The following COL19A1 variants were observed in gnomAD, a reference collection of about 807,000 sequenced individuals.
COL19A1 encodes collagen alpha-1(XIX) chain.
In COL19A1, 159 loss-of-function variants were observed where a neutral mutation model predicts 190.2. That is an observed-to-expected ratio of 0.84 (90% confidence interval 0.73 to 0.95). The LOEUF is 0.95. Among genes scored for constraint, COL19A1 ranks in the 40% least tolerant of loss-of-function variants. The probability of loss-of-function intolerance (pLI) is 0.00; values close to 1 mark genes in which losing one functional copy is unlikely to be tolerated. For missense variants in COL19A1, 1,418 were observed against 1,431.9 expected (o/e 0.99, Z 0.16); for synonymous variants, 509 against 458.9 (o/e 1.11, Z -1.39).
In COL19A1 at chr6:70,075,742, T is replaced by C. The variant is rs140098477; in HGVS notation, c.1224+7266T>C. On this transcript the variant is annotated intron_variant, in intron 15 of 50. Coordinates refer to ENST00000620364, the MANE Select transcript of COL19A1 (RefSeq NM_001858.6). ...AGTGGTCTCTGCAGTGCACTTGAGA[T>C]AGAAGAGACAAAACGCCCTGGAAAG... Among the ~76,000 whole-genome samples, 176 of 151,274 alleles carry C rather than the reference T, an allele frequency of 1.2e-3. 2 individuals are homozygous for C. Among genetic ancestry groups the C allele is most frequent in the African/African-American group, 2.7e-3 (112 of 41,160 alleles).
intron 15 of COL19A1, among the ~76,000 whole-genome samples, chr6:70,072,337 T>C (rs910010672): frequency 6.6e-6 from 1 of 152,152 alleles, no homozygotes; most frequent in Non-Finnish European, 1.5e-5. Context: ...AAGGTTAGCG[T>C]GAAGCTACCC....
chr6:70,051,723 T>C (rs761817666), intron 14 of COL19A1, among the ~76,000 whole-genome samples: 6 of 150,718 alleles, frequency 4.0e-5, no homozygotes, highest in Admixed American at 6.6e-5. Context: ...GAAAGACCCA[T>C]TGTCTCTCAA....
rs540307910 is a variant in COL19A1 at position 70,123,432 on chromosome 6, A to G, written c.1341+1490A>G. The stretch of plus-strand genomic sequence containing the variant: ...TCAGGGATCTAGAACTAGAAATACC[A>G]TTTGATCCAGCCATCCCATTACTGG... On this transcript the variant is annotated intron_variant, in intron 17 of 50. Transcript: ENST00000620364. 2.9e-3 allele frequency among the ~76,000 whole-genome samples: 439 copies of G among 151,790 alleles called. 3 individuals are homozygous for G. Among genetic ancestry groups the G allele is most frequent in the Admixed American group, 4.6e-3 (70 of 15,224 alleles).
At position 70,144,959 on chromosome 6, in the gene COL19A1, T is replaced by C; in HGVS notation, c.1722T>C (p.Gly574=). 1 of 1,594,420 alleles carries C rather than the reference T, an allele frequency of 6.3e-7. No homozygotes were observed. The change falls in exon 25 of 51, where the codon GGT becomes GGC. Residue 574 remains glycine, a synonymous_variant. Coordinates refer to ENST00000620364, the MANE Select transcript of COL19A1 (RefSeq NM_001858.6). ...TCATAGGCCCTCCCGGGCTTCCAGG[T>C]CCAAAAGGTGAGGCTGGTCCTCCAG... ...GGIIGPPGLP[G]PKGEAGPPGK...
intron 11 of COL19A1, among the ~76,000 whole-genome samples, chr6:69,997,026 T>TATAGAGAGAGAG (rs576813975): frequency 6.1e-5 from 9 of 146,902 alleles, no homozygotes; most frequent in Middle Eastern, 3.2e-3. Flanking sequence ...TATATATATA[T>TATAGAGAGAGAG]AGAGAGAGAG....
At chr6:70,119,580 G>T (rs1784765156) in intron 16 of COL19A1, among the ~76,000 whole-genome samples, 1 of 152,168 alleles carries the variant, frequency 6.6e-6, no homozygotes, top group South Asian at 2.1e-4. Context: ...AGTTAAGATA[G>T]TAGAGTAGAC....
At chr6:69,883,083 G>A (rs965205009) in intron 2 of COL19A1, among the ~76,000 whole-genome samples, 5 of 152,226 alleles carry the variant, frequency 3.3e-5, no homozygotes, top group African/African-American at 9.6e-5. Flanking sequence ...TGAAGGCAGT[G>A]TGAGGGCAAG....
chr6:69,932,268 A>G (rs1474399659), intron 6 of COL19A1, among the ~76,000 whole-genome samples: 4 of 152,070 alleles, frequency 2.6e-5, no homozygotes, highest in African/African-American at 9.6e-5. Flanking sequence ...TATAAAATCA[A>G]TAGGTTTTAG....
At chr6:69,972,495 G>A (rs190748902) in intron 11 of COL19A1, among the ~76,000 whole-genome samples, 145 of 152,264 alleles carry the variant, frequency 9.5e-4, no homozygotes, top group Non-Finnish European at 1.6e-3. Context: ...AAGTATTATA[G>A]AGAAAGTTAA....
chr6:69,983,618 A>G (rs901178982), intron 11 of COL19A1, among the ~76,000 whole-genome samples: 1 of 152,130 alleles, frequency 6.6e-6, no homozygotes, highest in Non-Finnish European at 1.5e-5. Flanking sequence ...ACCCTTTCTT[A>G]GAATATGAAT....
chr6:69,906,196 T>A (rs933492892), intron 4 of COL19A1, among the ~76,000 whole-genome samples: 2 of 152,188 alleles, frequency 1.3e-5, no homozygotes, highest in Non-Finnish European at 2.9e-5. Flanking sequence ...AAATAAAATG[T>A]CTTAGTATTG....
chr6:69,951,449 T>C (rs182448025), intron 9 of COL19A1, among the ~76,000 whole-genome samples: 10 of 152,060 alleles, frequency 6.6e-5, no homozygotes, highest in South Asian at 2.1e-4. Flanking sequence ...TAGAACTTAT[T>C]TGAAGGAATG....
At chr6:70,183,784 C>T (rs1562252107) in intron 44 of COL19A1, among the ~76,000 whole-genome samples, 1 of 152,216 alleles carries the variant, frequency 6.6e-6, no homozygotes, top group Admixed American at 6.5e-5. Context: ...CCCACAGAAT[C>T]CATTCCAGCA....
chr6:70,166,164 G>C (rs1765137052), intron 37 of COL19A1, among the ~76,000 whole-genome samples, 179 bp downstream of exon 37: 1 of 152,178 alleles, frequency 6.6e-6, no homozygotes, highest in Admixed American at 6.5e-5. Flanking sequence ...TTTTGGTTCA[G>C]CCTCAATGTG....
chr6:69,976,839 A>G (rs1435885846), intron 11 of COL19A1, among the ~76,000 whole-genome samples: 1 of 152,232 alleles, frequency 6.6e-6, no homozygotes, highest in Non-Finnish European at 1.5e-5. Context: ...AGGAAATAAC[A>G]TCAAGAGGAT....
intron 48 of COL19A1, among the ~76,000 whole-genome samples, chr6:70,197,606 TATTA>T (rs1767293836): frequency 6.6e-6 from 1 of 152,176 alleles, no homozygotes; most frequent in South Asian, 2.1e-4. Context: ...TAAAACTATA[TATTA>T]ATTACCTATT....
chr6:70,151,233 C>A (rs1583033336), intron 30 of COL19A1, among the ~76,000 whole-genome samples, 164 bp from the exon 31 acceptor site: 1 of 152,110 alleles, frequency 6.6e-6, no homozygotes, highest in East Asian at 1.9e-4. Flanking sequence ...GTGCCATGTG[C>A]ACATTTCTTT....
At chr6:70,047,348 A>T (rs1779967987) in intron 14 of COL19A1, among the ~76,000 whole-genome samples, 1 of 152,124 alleles carries the variant, frequency 6.6e-6, no homozygotes, top group Admixed American at 6.5e-5. Context: ...CCAATGCTGA[A>T]TAAGAAAAAT....
chr6:69,967,342 G>GA (rs533360786), intron 11 of COL19A1, among the ~76,000 whole-genome samples: 6 of 152,126 alleles, frequency 3.9e-5, no homozygotes, highest in African/African-American at 1.2e-4. Flanking sequence ...TTGATAAAAA[G>GA]AAAAAAACAA....
Sources: allele counts gnomAD v4.1 joint callset (sites outside exome capture counted in the v4.1 genomes callset), GRCh38; gene constraint gnomAD v4.1.1; transcripts MANE v1.5; gene names NCBI Gene and HGNC (gene_info 2026-07-23, HGNC 2026-07-21).